Variants in MND1 observed in about 807,000 individuals in gnomAD.
MND1 encodes meiotic nuclear divisions 1.
MND1 carries 28 observed loss-of-function variants against 35.1 expected under a neutral mutation model. The observed-to-expected ratio is 0.80, with a 90% CI of 0.59 to 1.09. The LOEUF is 1.09. Among genes scored for constraint, MND1 ranks in the 50% least tolerant of loss-of-function variants. The probability of loss-of-function intolerance (pLI) is 0.00; values close to 1 mark genes in which losing one functional copy is unlikely to be tolerated. For synonymous variants in MND1, 69 were observed against 70.5 expected (o/e 0.98, Z 0.11); for missense variants, 213 against 239.6 (o/e 0.89, Z 0.73).
chr4:153,345,524 A>C (rs966853533), intron 1 of MND1: 21 of 985,256 alleles, frequency 2.1e-5, no homozygotes, highest in East Asian at 1.1e-4. Flanking sequence ...CGGCTTTGTG[A>C]GCTTAACGTC....
Position 153,378,682 on chromosome 4 carries a change from A to G in MND1, c.277-15580A>G, listed in dbSNP as rs370495131. On this transcript the variant is annotated intron_variant, in intron 4 of 7. Transcript: ENST00000240488. ...CTTTTTCTCCCCAGAGCTGACATAT[A>G]TTCTATGTTGATACCTGGAATAGTC... Among the ~76,000 whole-genome samples the G allele has an allele frequency of 7.9e-5, 12 of 152,332 alleles. No homozygotes were observed. The East Asian group carries it at 2.1e-3, about 27-fold the overall frequency.
intron 4 of MND1, among the ~76,000 whole-genome samples, chr4:153,388,279 C>T (rs188230740): frequency 8.5e-5 from 13 of 152,150 alleles, no homozygotes; most frequent in South Asian, 4.2e-4. Flanking sequence ...CACCTGAGCC[C>T]GGGAGTTTGA....
rs143016485 is a variant in MND1, at chr4:153,355,623, C to T, written c.70-31C>T. On this transcript the variant is annotated intron_variant, in intron 2 of 7. Coordinates refer to ENST00000240488, the MANE Select transcript of MND1 (RefSeq NM_032117.4). ...ATACATAGTAGAAAATAAACACGTG[C>T]TTTTCATTTTCTTTAAAACCCTTTA... 3.4e-5 allele frequency: 48 copies of T among 1,393,454 alleles called. No homozygotes were observed. The East Asian group carries it at 1.1e-3, about 31-fold the overall frequency. 86.3% of individuals were successfully genotyped at this position (1,393,454 alleles called of 1,614,324 possible).
chr4:153,390,371 CCCTGTATTA>C (rs1260465422), intron 4 of MND1, among the ~76,000 whole-genome samples: 59 of 152,244 alleles, frequency 3.9e-4, no homozygotes, highest in African/African-American at 1.2e-3. Context: ...GATTGTGCCT[CCCTGTATTA>C]CCAAGATACT....
At chr4:153,355,105 A>G (rs1395930302) in intron 2 of MND1, among the ~76,000 whole-genome samples, 1 of 152,168 alleles carries the variant, frequency 6.6e-6, no homozygotes, top group Non-Finnish European at 1.5e-5. Flanking sequence ...TCAAGGCTGC[A>G]GTGAGCCATG....
intron 4 of MND1, among the ~76,000 whole-genome samples, chr4:153,368,647 C>T (rs543519308): frequency 7.9e-5 from 12 of 152,086 alleles, no homozygotes; most frequent in Non-Finnish European, 1.6e-4. Context: ...CATTCATGTC[C>T]ATATCACATT....
chr4:153,367,104 C>T (rs1278648771), intron 4 of MND1, among the ~76,000 whole-genome samples: 1 of 152,118 alleles, frequency 6.6e-6, no homozygotes, highest in Non-Finnish European at 1.5e-5. Context: ...TCTAAAAGTG[C>T]TCACCTTATC....
At chr4:153,384,258 CT>C (rs35214226) in intron 4 of MND1, among the ~76,000 whole-genome samples, 5,465 of 55,260 alleles carry the variant, frequency 0.099, 133 homozygotes, top group African/African-American at 0.14. Flanking sequence ...CTACTTTCTG[CT>C]TTTTTTTTTT....
chr4:153,371,817 A>G (rs1773795728), intron 4 of MND1, among the ~76,000 whole-genome samples: 2 of 152,162 alleles, frequency 1.3e-5, no homozygotes, highest in South Asian at 2.1e-4. Flanking sequence ...CTTTGGCACA[A>G]GAGGCCTAGC....
Position 153,397,234 on chromosome 4 carries a change from C to T in MND1, c.367C>T (p.Leu123=). The change falls in exon 6 of 8, where the codon CTA becomes TTA. Residue 123 remains leucine (L), a synonymous_variant. Transcript: ENST00000240488. ...GRCETEERTR[L]AKELSSLRDQ... The stretch of plus-strand genomic sequence containing the variant: ...TGGAATGCAGGAAGAGCGAACCAGG[C>T]TAGCAAAAGAGCTTTCTTCACTTCG... The T allele has an allele frequency of 6.2e-7, 1 of 1,611,644 alleles. No individual in the cohort carries two copies. The highest frequency in any genetic ancestry group is 8.5e-7 in the Non-Finnish European group (1 of 1,178,794).
chr4:153,390,919 A>ATGTATGTGTGTGTG (rs1554012262), intron 4 of MND1, among the ~76,000 whole-genome samples: 2,172 of 124,742 alleles, frequency 0.017, 35 homozygotes, highest in East Asian at 0.076. Context: ...GTGTGTGTAT[A>ATGTATGTGTGTGTG]TGTGTGTGTG....
intron 6 of MND1, among the ~76,000 whole-genome samples, chr4:153,405,166 A>T (rs906540497): frequency 3.3e-4 from 50 of 152,220 alleles, no homozygotes; most frequent in African/African-American, 1.2e-3. Flanking sequence ...AATGCAAGAG[A>T]TCCAGAATAG....
In MND1 at chr4:153,397,322, T is replaced by C; in HGVS notation, c.455T>C (p.Val152Ala). 22 of 1,610,338 alleles carry C rather than the reference T, an allele frequency of 1.4e-5. No homozygotes were observed. Among genetic ancestry groups the C allele is most frequent in the Non-Finnish European group, 1.9e-5 (22 of 1,177,848 alleles). Residue 152 changes from valine to alanine, a missense_variant, in exon 6 of 8, where the codon GTG becomes GCG. Transcript: ENST00000240488. The stretch of plus-strand genomic sequence containing the variant: ...TACAAAGACTGTGATCCGCAAGTTG[T>C]GGAAGAAATACGTAAGTTTGTGTCA... The part of the protein sequence containing the change: ...EKYKDCDPQV[V>A]EEIRQANKVA...
chr4:153,403,296 C>T (rs1350371714), intron 6 of MND1, among the ~76,000 whole-genome samples: 1 of 152,168 alleles, frequency 6.6e-6, no homozygotes, highest in Non-Finnish European at 1.5e-5. Flanking sequence ...TCTGTGCAAG[C>T]AAGAAGCAAA....
At chr4:153,397,419 T>G in intron 6 of MND1, 86 bp downstream of exon 6, 3 of 886,124 alleles carry the variant, frequency 3.4e-6, no homozygotes, top group Non-Finnish European at 5.2e-6. Flanking sequence ...CTATTCTCCA[T>G]GTATATGAGA....
At chr4:153,356,193 GC>G (rs1773334152) in intron 3 of MND1, among the ~76,000 whole-genome samples, 1 of 152,094 alleles carries the variant, frequency 6.6e-6, no homozygotes, top group South Asian at 2.1e-4. Context: ...GTGTTGACAG[GC>G]ATCCTTCTAC....
intron 4 of MND1, among the ~76,000 whole-genome samples, chr4:153,365,301 G>C (rs1461771448): frequency 6.6e-6 from 1 of 152,198 alleles, no homozygotes; most frequent in Non-Finnish European, 1.5e-5. Context: ...GCAGGGTTCA[G>C]ATGCTGAGCA....
Position 153,350,101 on chromosome 4 carries a change from C to T in MND1, c.41C>T (p.Thr14Ile), listed in dbSNP as rs754634880. 2 of 1,606,112 alleles carry T rather than the reference C, an allele frequency of 1.2e-6. No individual in the cohort carries two copies. The highest frequency in any genetic ancestry group is 1.1e-5 in the South Asian group (1 of 89,200). ...GGACTGAGTGCAGAAGAAAAGAGAA[C>T]TCGCATGATGGAAATATTTTCTGAA... ...KKGLSAEEKR[T>I]RMMEIFSETK... The change falls in exon 2 of 8, where the codon ACT (threonine) becomes ATT (isoleucine). Residue 14 changes from threonine to isoleucine, a missense_variant. Thr to Ile is a moderately conservative substitution (Grantham distance 89). Transcript: ENST00000240488.
At chr4:153,373,873 A>T (rs1728400241) in intron 4 of MND1, among the ~76,000 whole-genome samples, 1 of 152,166 alleles carries the variant, frequency 6.6e-6, no homozygotes. Flanking sequence ...AACCTACTTT[A>T]ATCTTTCACT....
Sources: allele counts gnomAD v4.1 joint callset (sites outside exome capture counted in the v4.1 genomes callset), GRCh38; gene constraint gnomAD v4.1.1; transcripts MANE v1.5; gene names NCBI Gene and HGNC (gene_info 2026-07-23, HGNC 2026-07-21).